Variants in GJA1 observed in about 807,000 individuals in gnomAD.
The protein encoded by GJA1 is gap junction protein alpha 1.
Under a neutral mutation model 31.0 loss-of-function variants are expected in GJA1, and 9 were observed. That is an observed-to-expected ratio of 0.29 (90% CI 0.17 to 0.51). The LOEUF (loss-of-function observed/expected upper bound fraction) is 0.51, where lower values mean the gene tolerates loss of function less well. Ranked by LOEUF, GJA1 falls within the 20% of genes least tolerant of loss-of-function variation. The pLI is 0.98. For missense variants in GJA1, 278 were observed against 468.8 expected, an observed-to-expected ratio of 0.59 and a Z score of 3.76; for synonymous variants, 186 against 180.1, an observed-to-expected ratio of 1.03 and a Z score of -0.26.
In GJA1 at chr6:121,446,295, TA is replaced by T. The variant is rs34014407; in HGVS notation, c.-16-527del. ...GGGCAACAAGAGGGAAACACCATCT[TA>T]AAAAAAAAATCTTTCAGAGTGAAAT... On this transcript the variant is annotated intron_variant, in intron 1 of 1. Transcript: ENST00000282561. Among the ~76,000 whole-genome samples, 439 of 150,608 alleles carry T rather than the reference TA, an allele frequency of 2.9e-3. 1 individual carries two copies. The highest frequency in any genetic ancestry group is 1.0e-2 in the African/African-American group (409 of 41,080).
At chr6:121,446,036 C>T (rs35558685) in intron 1 of GJA1, among the ~76,000 whole-genome samples, 10,786 of 152,254 alleles carry the variant, frequency 0.071, 548 homozygotes, top group Non-Finnish European at 0.11. Flanking sequence ...TGGCTCACAC[C>T]TGTAATCCCA....
Position 121,446,898 on chromosome 6 carries a change from C to T in GJA1, c.51C>T (p.Tyr17=). The T allele has an allele frequency of 6.2e-7, 1 of 1,613,986 alleles. No individual in the cohort carries two copies. The highest frequency in any genetic ancestry group is 1.1e-5 in the South Asian group (1 of 91,088). The change falls in exon 2 of 2, where the codon TAC becomes TAT. Residue 17 remains tyrosine, a synonymous_variant. Transcript: ENST00000282561. ...AACTCCTTGACAAGGTTCAAGCCTA[C>T]TCAACTGCTGGAGGGAAGGTGTGGC... ...LGKLLDKVQA[Y]STAGGKVWLS...
In GJA1 at chr6:121,447,593, C is replaced by T. The variant is rs192870757; in HGVS notation, c.746C>T (p.Ala249Val). ...AAGGGAAAGAGCGACCCTTACCATG[C>T]GACCAGTGGTGCGCTGAGCCCTGCC... ...RVKGKSDPYH[A>V]TSGALSPAKD... The change falls in exon 2 of 2, where the codon GCG becomes GTG. Residue 249 changes from alanine (A) to valine (V), a missense_variant. This residue lies in a region of GJA1 where 172 missense variants were observed against 190.9 expected (regional missense o/e 0.90). Coordinates refer to ENST00000282561, the MANE Select transcript of GJA1 (RefSeq NM_000165.5). 1.9e-5 allele frequency: 30 copies of T among 1,613,562 alleles called. No homozygotes were observed. Among genetic ancestry groups the T allele is most frequent in the Non-Finnish European group, 2.3e-5 (27 of 1,179,834 alleles).
rs1283135792 is a variant in GJA1 at position 121,448,271 on chromosome 6, A to G, written c.*275A>G. 6 of 504,194 alleles carry G rather than the reference A, an allele frequency of 1.2e-5. No individual in the cohort carries two copies. The highest frequency in any genetic ancestry group is 5.8e-5 in the African/African-American group (3 of 51,476). 31.2% of individuals were successfully genotyped at this position (504,194 alleles called of 1,614,324 possible). On this transcript the variant is annotated 3_prime_UTR_variant, in exon 2 of 2. Coordinates refer to ENST00000282561, the MANE Select transcript of GJA1 (RefSeq NM_000165.5). The stretch of plus-strand genomic sequence containing the variant: ...TTATAAATAAGAGTTCCATTAGGTG[A>G]TACATAGATAAGGGCTTTTTCTCCC...
At position 121,448,222 on chromosome 6, in the gene GJA1, A is replaced by G. The variant is rs930880001; in HGVS notation, c.*226A>G. On this transcript the variant is annotated 3_prime_UTR_variant, in exon 2 of 2. Coordinates refer to ENST00000282561, the MANE Select transcript of GJA1 (RefSeq NM_000165.5). ...AAGAGAGGTGCATGTTGGTATTTAA[A>G]GTAGTGGATTCAAAGAACTTAGATT... 3 of 594,596 alleles carry G rather than the reference A, an allele frequency of 5.0e-6. No individual in the cohort carries two copies. Among genetic ancestry groups the G allele is most frequent in the East Asian group, 2.9e-5 (1 of 34,084 alleles). 36.8% of individuals were successfully genotyped at this position (594,596 alleles called of 1,614,324 possible). A position where few individuals can be genotyped will look rare whatever the true frequency, so the allele number is the denominator to read the frequency against.
chr6:121,443,623 A>G (rs573039968), intron 1 of GJA1, among the ~76,000 whole-genome samples: 3 of 152,208 alleles, frequency 2.0e-5, no homozygotes, highest in Non-Finnish European at 4.4e-5. Context: ...AATAAAGACT[A>G]TACTTTCAGG....
In GJA1 at chr6:121,445,183, C is replaced by T. The variant is rs1207097111; in HGVS notation, c.-16-1649C>T. On this transcript the variant is annotated intron_variant, in intron 1 of 1. Coordinates refer to ENST00000282561, the MANE Select transcript of GJA1 (RefSeq NM_000165.5). ...ACATCTTTTTAGTGAGACGGAGTCT[C>T]TCTTTGTCACCCAGGCTGGAGTGCA... Among the ~76,000 whole-genome samples the T allele has an allele frequency of 3.9e-5, 6 of 152,204 alleles. No homozygotes were observed. The East Asian group carries it at 1.2e-3, about 29-fold the overall frequency.
chr6:121,449,306 C>G lies in GJA1; in HGVS notation c.*1310C>G, dbSNP rs1773944939. On this transcript the variant is annotated 3_prime_UTR_variant, in exon 2 of 2. Coordinates refer to ENST00000282561, the MANE Select transcript of GJA1 (RefSeq NM_000165.5). ...TTCTTGGGTTTTCCTACTTAATACA[C>G]AGTAATTCAGAACTTGTATTCTATT... The G allele has an allele frequency of 6.0e-6, 1 of 167,050 alleles. No individual in the cohort carries two copies. Among genetic ancestry groups the G allele is most frequent in the Non-Finnish European group, 1.5e-5 (1 of 68,118 alleles). The allele number at this position is 167,050 out of a possible 1,614,324, so 10.3% of individuals were successfully genotyped here.
chr6:121,441,096 C>A (rs996830086), intron 1 of GJA1, among the ~76,000 whole-genome samples: 1 of 152,180 alleles, frequency 6.6e-6, no homozygotes, highest in Non-Finnish European at 1.5e-5. Context: ...GTGCCCGCCA[C>A]CACGCCCGGC....
Position 121,447,315 on chromosome 6 carries a change from C to T in GJA1, c.468C>T (p.Ile156=), listed in dbSNP as rs973444435. 3.1e-6 allele frequency: 5 copies of T among 1,613,878 alleles called. No individual in the cohort carries two copies. In the African/African-American group the frequency reaches 4.0e-5, roughly 13 times the overall value. Residue 156 remains isoleucine (I), a synonymous_variant, in exon 2 of 2, where the codon ATC becomes ATT. Transcript: ENST00000282561. ...GAGGGGGGTTGCTGCGAACCTACAT[C>T]ATCAGTATCCTCTTCAAGTCTATCT... The part of the protein sequence containing the change: ...KMRGGLLRTY[I]ISILFKSIFE...
intron 1 of GJA1, among the ~76,000 whole-genome samples, chr6:121,436,823 AG>A (rs533423833): frequency 8.0e-4 from 122 of 152,220 alleles, no homozygotes; most frequent in African/African-American, 2.7e-3. Context: ...AGTTCTTTGG[AG>A]TTGGAGCTCC....
chr6:121,440,922 T>C (rs1773766544), intron 1 of GJA1, among the ~76,000 whole-genome samples: 1 of 143,230 alleles, frequency 7.0e-6, no homozygotes, highest in Admixed American at 7.0e-5. Flanking sequence ...TTTGTTGTTG[T>C]TGTTGTTGTT....
In GJA1 at chr6:121,447,027, T is replaced by C; in HGVS notation, c.180T>C (p.Gly60=). Residue 60 remains glycine, a synonymous_variant, in exon 2 of 2, where the codon GGT becomes GGC. Transcript: ENST00000282561. The part of the protein sequence containing the change: ...SAFRCNTQQP[G]CENVCYDKSF... ...TTCGTTGTAACACTCAGCAACCTGG[T>C]TGTGAAAATGTCTGCTATGACAAGT... 6.2e-7 allele frequency: 1 copy of C among 1,613,816 alleles called. No homozygotes were observed. The highest frequency in any genetic ancestry group is 8.5e-7 in the Non-Finnish European group (1 of 1,179,750).
chr6:121,445,553 A>G (rs1773872803), intron 1 of GJA1, among the ~76,000 whole-genome samples: 1 of 150,232 alleles, frequency 6.7e-6, no homozygotes, highest in South Asian at 2.2e-4. Context: ...TCCAAAGCCC[A>G]GTAAGGGAAC....
At position 121,449,328 on chromosome 6, in the gene GJA1, T is replaced by C. The variant is rs573053530; in HGVS notation, c.*1332T>C. On this transcript the variant is annotated 3_prime_UTR_variant, in exon 2 of 2. Coordinates refer to ENST00000282561, the MANE Select transcript of GJA1 (RefSeq NM_000165.5). ...ACACAGTAATTCAGAACTTGTATTCTATTATGAGTTTAGCAGTCTTTTGGA... is the reference window on the plus strand; with the variant it reads ...ACACAGTAATTCAGAACTTGTATTCCATTATGAGTTTAGCAGTCTTTTGGA... The C allele has an allele frequency of 1.1e-4, 19 of 167,134 alleles. No homozygotes were observed. The highest frequency in any genetic ancestry group is 2.8e-4 in the Non-Finnish European group (19 of 68,124). 10.4% of individuals were successfully genotyped at this position (167,134 alleles called of 1,614,324 possible).
chr6:121,443,769 T>C (rs1773837827), intron 1 of GJA1, among the ~76,000 whole-genome samples: 1 of 152,228 alleles, frequency 6.6e-6, no homozygotes. Flanking sequence ...CTGGTCATAT[T>C]TCTAGATATG....
rs118101429 is a variant in GJA1 at position 121,439,886 on chromosome 6, T to C, written c.-17+4054T>C. Reference sequence around the variant, plus strand: ...AGTTTGATACACTATAGTTAGGCCATCTAGGTATAAATAAGGAAGTAAAGG... The same window carrying C: ...AGTTTGATACACTATAGTTAGGCCACCTAGGTATAAATAAGGAAGTAAAGG... On this transcript the variant is annotated intron_variant, in intron 1 of 1. Coordinates refer to ENST00000282561, the MANE Select transcript of GJA1 (RefSeq NM_000165.5). Among the ~76,000 whole-genome samples the C allele has an allele frequency of 1.4e-3, 216 of 152,298 alleles. 5 individuals carry two copies. In the East Asian group the frequency reaches 0.031, roughly 22 times the overall value.
Position 121,447,571 on chromosome 6 carries a change from G to A in GJA1, c.724G>A (p.Gly242Arg), listed in dbSNP as rs138386744. ...CAAGGGCGTTAAGGATCGGGTTAAGGGAAAGAGCGACCCTTACCATGCGAC... is the reference window on the plus strand; with the variant it reads ...CAAGGGCGTTAAGGATCGGGTTAAGAGAAAGAGCGACCCTTACCATGCGAC... ...FFKGVKDRVK[G>R]KSDPYHATSG... is the part of the protein sequence containing the mutation. Residue 242 changes from glycine (G) to arginine (R), a missense_variant, in exon 2 of 2, where the codon GGA becomes AGA. Transcript: ENST00000282561. The A allele has an allele frequency of 4.6e-4, 737 of 1,613,884 alleles. 1 individual carries two copies. Among genetic ancestry groups the A allele is most frequent in the Non-Finnish European group, 5.8e-4 (683 of 1,179,976 alleles).
Position 121,448,104 on chromosome 6 carries a change from A to G in GJA1, c.*108A>G. 2.0e-6 allele frequency: 2 copies of G among 975,832 alleles called. No individual in the cohort carries two copies. Among genetic ancestry groups the G allele is most frequent in the Non-Finnish European group, 3.3e-6 (2 of 609,458 alleles). 60.4% of individuals were successfully genotyped at this position (975,832 alleles called of 1,614,324 possible). On this transcript the variant is annotated 3_prime_UTR_variant, in exon 2 of 2. Coordinates refer to ENST00000282561, the MANE Select transcript of GJA1 (RefSeq NM_000165.5). ...TGATCCGGTGGAGGTGGTACTCAAC[A>G]GCCTTATTCATGAGGCTTAGAAAAC...
Sources: allele counts gnomAD v4.1 joint callset (sites outside exome capture counted in the v4.1 genomes callset), GRCh38; gene constraint gnomAD v4.1.1; regional missense constraint gnomAD v4.1.1; transcripts MANE v1.5; gene names NCBI Gene and HGNC (gene_info 2026-07-23, HGNC 2026-07-21).